The following EPHA5 variants were observed in gnomAD, a reference collection of about 807,000 sequenced individuals.
EPHA5 encodes EPH receptor A5.
In EPHA5, 60 loss-of-function variants were observed where a neutral mutation model predicts 105.0. That is an observed-to-expected ratio of 0.57 (90% confidence interval 0.46 to 0.71). The LOEUF (loss-of-function observed/expected upper bound fraction) is 0.71. Ranked by LOEUF, EPHA5 falls within the 30% of genes least tolerant of loss-of-function variation. EPHA5 has a pLI of 0.00. For synonymous variants in EPHA5, 513 were observed against 449.1 expected (o/e 1.14, Z -1.80); for missense variants, 1,218 against 1,274.7 (o/e 0.96, Z 0.68).
chr4:65,600,600 A>G (rs1743623580), intron 3 of EPHA5, among the ~76,000 whole-genome samples: 1 of 152,146 alleles, frequency 6.6e-6, no homozygotes, highest in Admixed American at 6.6e-5. Flanking sequence ...GATTCATGTA[A>G]CAGAGTGGAC....
chr4:65,379,298 C>T (rs189094768), intron 8 of EPHA5, among the ~76,000 whole-genome samples: 1 of 151,682 alleles, frequency 6.6e-6, no homozygotes, highest in Non-Finnish European at 1.5e-5. Context: ...CACACACTCA[C>T]ACAGAATTCA....
intron 3 of EPHA5, among the ~76,000 whole-genome samples, chr4:65,532,822 A>G (rs1402429121): frequency 1.3e-5 from 2 of 152,078 alleles, no homozygotes; most frequent in African/African-American, 4.8e-5. Context: ...AGCTATAGGC[A>G]TAGTTTTTTA....
intron 3 of EPHA5, among the ~76,000 whole-genome samples, chr4:65,529,613 T>C (rs1029772588): frequency 6.6e-6 from 1 of 151,920 alleles, no homozygotes; most frequent in Non-Finnish European, 1.5e-5. Flanking sequence ...ATTGTGCATA[T>C]GTTAGATACA....
intron 5 of EPHA5, among the ~76,000 whole-genome samples, chr4:65,422,495 A>C (rs1724035145): frequency 6.6e-6 from 1 of 152,112 alleles, no homozygotes; most frequent in South Asian, 2.1e-4. Context: ...ATGATGACTT[A>C]GAGCATTTAT....
At chr4:65,556,468 T>C (rs543696846) in intron 3 of EPHA5, among the ~76,000 whole-genome samples, 4 of 152,246 alleles carry the variant, frequency 2.6e-5, no homozygotes, top group Admixed American at 6.5e-5. Context: ...AAAAAAGATA[T>C]ATGGAATTAA....
intron 3 of EPHA5, among the ~76,000 whole-genome samples, chr4:65,584,131 T>A (rs1201659025): frequency 6.6e-6 from 1 of 151,458 alleles, no homozygotes; most frequent in Non-Finnish European, 1.5e-5. Flanking sequence ...ACCTGAGTTA[T>A]TTTTTATCTT....
intron 3 of EPHA5, among the ~76,000 whole-genome samples, chr4:65,527,280 AAAT>A (rs1367883956): frequency 1.3e-5 from 2 of 152,152 alleles, no homozygotes; most frequent in African/African-American, 4.8e-5. Context: ...CAATGAAATT[AAAT>A]TAGTTCTACA....
intron 5 of EPHA5, among the ~76,000 whole-genome samples, chr4:65,427,833 T>G (rs919554146): frequency 6.6e-6 from 1 of 152,316 alleles, no homozygotes; most frequent in African/African-American, 2.4e-5. Context: ...TCAGTATCTA[T>G]CTGAATAATA....
intron 5 of EPHA5, among the ~76,000 whole-genome samples, chr4:65,473,958 AG>A (rs1729538735): frequency 6.6e-6 from 1 of 150,598 alleles, no homozygotes; most frequent in South Asian, 2.1e-4. Flanking sequence ...TACATGTATA[AG>A]AAATGAATTC....
chr4:65,408,931 A>G (rs1722639381), intron 7 of EPHA5, among the ~76,000 whole-genome samples: 1 of 152,046 alleles, frequency 6.6e-6, no homozygotes, highest in Non-Finnish European at 1.5e-5. Flanking sequence ...CAAAGACTTG[A>G]ACCAACCCAA....
intron 5 of EPHA5, among the ~76,000 whole-genome samples, chr4:65,468,556 A>C (rs1172634672): frequency 1.5e-4 from 9 of 61,490 alleles, no homozygotes; most frequent in African/African-American, 5.7e-4. Flanking sequence ...TATAATATAT[A>C]TATTATATAT....
At position 65,485,036 on chromosome 4, in the gene EPHA5, T is replaced by C. The variant is rs888330752; in HGVS notation, c.1402+5341A>G. Among the ~76,000 whole-genome samples the C allele has an allele frequency of 9.9e-5, 15 of 151,900 alleles. No homozygotes were observed. In the East Asian group the frequency reaches 1.8e-3, roughly 18 times the overall value. ...ATCAATTTTGTGTAAGAATGTATTATATATGAAATACTCATTAGAAAACTT... is the reference window on the plus strand; with the variant it reads ...ATCAATTTTGTGTAAGAATGTATTACATATGAAATACTCATTAGAAAACTT... On this transcript the variant is annotated intron_variant, in intron 5 of 16. Transcript: ENST00000613740.
At chr4:65,607,499 A>C (rs577031774) in intron 2 of EPHA5, among the ~76,000 whole-genome samples, 140 of 135,664 alleles carry the variant, frequency 1.0e-3, no homozygotes, top group African/African-American at 3.1e-3. Flanking sequence ...AACAAAAAAA[A>C]AAACATCAAA....
intron 1 of EPHA5, among the ~76,000 whole-genome samples, chr4:65,657,922 A>T (rs1040360666): frequency 2.3e-5 from 3 of 131,712 alleles, no homozygotes; most frequent in South Asian, 2.6e-4. Flanking sequence ...AAAAAAAAAG[A>T]TATTTTACTG....
chr4:65,592,247 T>C (rs1239280233), intron 3 of EPHA5, among the ~76,000 whole-genome samples: 1 of 151,978 alleles, frequency 6.6e-6, no homozygotes, highest in Non-Finnish European at 1.5e-5. Context: ...ACTAATAAAT[T>C]AAAAATGTCT....
At position 65,490,608 on chromosome 4, in the gene EPHA5, A is replaced by G. The variant is rs2149213891; in HGVS notation, c.1171T>C (p.Tyr391His). Residue 391 changes from tyrosine (Y) to histidine (H), a missense_variant, in exon 5 of 17, where the codon TAT (tyrosine) becomes CAT (histidine). By Grantham distance (83) the Tyr-to-His change is moderately conservative (BLOSUM62 2). This residue lies in a region of EPHA5 where 971 missense variants were observed against 1,013.5 expected (regional missense o/e 0.96). Transcript: ENST00000613740. ...TTGCACTTCTTGCATGCAATATAAT[A>G]TGACACGTCTTTCCTTCCACCAGTG... is the stretch of plus-strand genomic sequence containing the variant. ...ADTGGRKDVS[Y>H]YIACKKCNSH... 2.5e-6 allele frequency: 4 copies of G among 1,614,120 alleles called. No homozygotes were observed. The highest frequency in any genetic ancestry group is 3.4e-6 in the Non-Finnish European group (4 of 1,180,014).
At chr4:65,634,954 C>T (rs754607691) in intron 2 of EPHA5, among the ~76,000 whole-genome samples, 5 of 151,830 alleles carry the variant, frequency 3.3e-5, no homozygotes, top group African/African-American at 4.8e-5. Context: ...ATTTGAGGTA[C>T]AAGAAATTAT....
At position 65,401,760 on chromosome 4, in the gene EPHA5, T is replaced by C. The variant is rs188666485; in HGVS notation, c.1793+2614A>G. ...TAGACAAAATGTTCAAAAATTTTTT[T>C]ACCAAGCTTTGGATTTGGCAGAAAA... On this transcript the variant is annotated intron_variant, in intron 8 of 16. Transcript: ENST00000613740. Among the ~76,000 whole-genome samples, 198 of 152,264 alleles carry C rather than the reference T, an allele frequency of 1.3e-3. 1 individual carries two copies. Among genetic ancestry groups the C allele is most frequent in the Middle Eastern group, 0.01 (3 of 294 alleles).
chr4:65,382,365 T>C (rs890420375), intron 8 of EPHA5, among the ~76,000 whole-genome samples: 1 of 151,732 alleles, frequency 6.6e-6, no homozygotes. Context: ...CAGAGATCAT[T>C]ATAAAACATT....
Sources: gnomAD v4.1 joint callset for allele counts (sites outside exome capture counted in the v4.1 genomes callset) on GRCh38, gnomAD v4.1.1 for gene constraint, gnomAD v4.1.1 regional missense constraint, MANE v1.5 for transcripts, NCBI Gene and HGNC (gene_info 2026-07-23, HGNC 2026-07-21) for gene names.